PRPSAP2: variants seen among roughly 807,000 people sequenced by gnomAD.
The protein encoded by PRPSAP2 is phosphoribosyl pyrophosphate synthetase associated protein 2.
PRPSAP2 carries 24 observed loss-of-function variants against 40.6 expected under a neutral mutation model. That is an observed-to-expected ratio of 0.59 (90% CI 0.43 to 0.83). The LOEUF (loss-of-function observed/expected upper bound fraction) is 0.83. Among genes scored for constraint, PRPSAP2 ranks in the 40% least tolerant of loss-of-function variants. The pLI is 0.00. For missense variants in PRPSAP2, 292 were observed against 465.6 expected, an observed-to-expected ratio of 0.63 and a Z score of 3.43; for synonymous variants, 149 against 164.7, an observed-to-expected ratio of 0.90 and a Z score of 0.73.
At chr17:18,922,898 C>T (rs1473133849) in intron 9 of PRPSAP2, among the ~76,000 whole-genome samples, 1 of 151,234 alleles carries the variant, frequency 6.6e-6, no homozygotes, top group African/African-American at 2.4e-5. Context: ...TGGTCTCAAA[C>T]TCCTGAACTC....
intron 8 of PRPSAP2, among the ~76,000 whole-genome samples, chr17:18,894,497 T>TTTTTTA (rs2039789673): frequency 6.7e-6 from 1 of 149,764 alleles, no homozygotes; most frequent in South Asian, 2.1e-4. Context: ...TTTTTTTTTT[T>TTTTTTA]GAGACAGAGT....
intron 6 of PRPSAP2, among the ~76,000 whole-genome samples, chr17:18,880,124 C>T (rs2038621129): frequency 6.6e-6 from 1 of 151,992 alleles, no homozygotes; most frequent in Admixed American, 6.6e-5. Flanking sequence ...ATTAAAAACT[C>T]AACCCGAAGC....
chr17:18,901,654 G>A (rs1393984359), intron 8 of PRPSAP2, among the ~76,000 whole-genome samples: 1 of 152,202 alleles, frequency 6.6e-6, no homozygotes, highest in Admixed American at 6.5e-5. Context: ...AGGATTACAG[G>A]CATGAGCCAC....
rs1010786929 is a variant in PRPSAP2, at chr17:18,927,296, A to T, written c.805-1515A>T. ...GCACTGGGGAATAAGTTTCCAACAC[A>T]TGAATTTTGGAGGGACAAAAACATT... On this transcript the variant is annotated intron_variant, in intron 10 of 11. Transcript: ENST00000268835. 5.3e-5 allele frequency among the ~76,000 whole-genome samples: 8 copies of T among 152,212 alleles called. No homozygotes were observed. The South Asian group carries it at 1.5e-3, about 28-fold the overall frequency.
Position 18,908,281 on chromosome 17 carries a change from C to T in PRPSAP2, c.585-2822C>T, listed in dbSNP as rs537314036. 1.1e-4 allele frequency: 84 copies of T among 773,970 alleles called. No homozygotes were observed. The South Asian group carries it at 1.1e-3, about 10-fold the overall frequency. The allele number at this position is 773,970 out of a possible 1,614,324, so 47.9% of individuals were successfully genotyped here. ...CCGAGCTGCCGCTTTCGCAGCACGCCAAGGACACTCATGAGGACCATGATA... is the reference window on the plus strand; with the variant it reads ...CCGAGCTGCCGCTTTCGCAGCACGCTAAGGACACTCATGAGGACCATGATA... On this transcript the variant is annotated intron_variant, in intron 8 of 11. Transcript: ENST00000268835.
chr17:18,908,762 G>A, intron 8 of PRPSAP2: 2 of 722,444 alleles, frequency 2.8e-6, no homozygotes, highest in Non-Finnish European at 5.1e-6. Flanking sequence ...GGAGAGAAAA[G>A]AAAGGATCGG....
At chr17:18,907,910 G>T (rs929520798) in intron 8 of PRPSAP2, among the ~76,000 whole-genome samples, 55 of 152,194 alleles carry the variant, frequency 3.6e-4, no homozygotes, top group African/African-American at 1.3e-3. Flanking sequence ...GCCAAGGCCG[G>T]CAGATTACCT....
Position 18,862,853 on chromosome 17 carries a change from C to T in PRPSAP2, c.-128-2616C>T, listed in dbSNP as rs529477142. Among the ~76,000 whole-genome samples the T allele has an allele frequency of 5.3e-5, 8 of 151,808 alleles. No homozygotes were observed. In the South Asian group the frequency reaches 1.7e-3, roughly 32 times the overall value. On this transcript the variant is annotated intron_variant, in intron 1 of 11. Coordinates refer to ENST00000268835, the MANE Select transcript of PRPSAP2 (RefSeq NM_002767.4). ...TTTATTTTTCTGAGACAGAGTCTCG[C>T]TCTGTCTCCCAGGCTGGAGTGCAGT...
At chr17:18,929,740 C>T (rs1567761719) in intron 11 of PRPSAP2, 1 of 152,118 alleles carries the variant, frequency 6.6e-6, no homozygotes, top group Non-Finnish European at 1.5e-5. Context: ...CACATTTTGT[C>T]TCTCTCTTCG....
intron 8 of PRPSAP2, among the ~76,000 whole-genome samples, chr17:18,909,069 C>T (rs965721098): frequency 5.9e-5 from 9 of 152,046 alleles, no homozygotes; most frequent in African/African-American, 2.2e-4. Flanking sequence ...AAAGCTGATT[C>T]TTTGAGAAAA....
At chr17:18,883,403 C>CTTTTTTTTTTTTTT in intron 7 of PRPSAP2, among the ~76,000 whole-genome samples, 1 of 134,254 alleles carries the variant, frequency 7.4e-6, no homozygotes, top group Non-Finnish European at 1.6e-5. Context: ...GTTTTTCTTT[C>CTTTTTTTTTTTTTT]TTTTTTTTTT....
At chr17:18,889,408 T>C (rs2039395421) in intron 7 of PRPSAP2, among the ~76,000 whole-genome samples, 1 of 152,236 alleles carries the variant, frequency 6.6e-6, no homozygotes, top group South Asian at 2.1e-4. Flanking sequence ...TTCAACATGT[T>C]ATGACTGCGA....
In PRPSAP2 at chr17:18,928,877, T is replaced by C; in HGVS notation, c.871T>C (p.Tyr291His). The C allele has an allele frequency of 1.2e-6, 2 of 1,614,136 alleles. No homozygotes were observed. Among genetic ancestry groups the C allele is most frequent in the Non-Finnish European group, 1.7e-6 (2 of 1,179,988 alleles). ...AGAGACCCTGAAGGAAAGAGGTGCATATAAGATCTTTGTGATGGCAACTCA... is the reference window on the plus strand; with the variant it reads ...AGAGACCCTGAAGGAAAGAGGTGCACATAAGATCTTTGTGATGGCAACTCA... ...AAETLKERGA[Y>H]KIFVMATHGL... The change falls in exon 11 of 12, where the codon TAT becomes CAT. Residue 291 changes from tyrosine to histidine, a missense_variant. Around this residue, in one of 2 missense-constraint regions of PRPSAP2, gnomAD observed 241 missense variants for 425.7 expected, o/e 0.57. Transcript: ENST00000268835.
intron 8 of PRPSAP2, among the ~76,000 whole-genome samples, chr17:18,900,828 C>G (rs1361209363): frequency 6.6e-6 from 1 of 152,136 alleles, no homozygotes; most frequent in Non-Finnish European, 1.5e-5. Context: ...GGTGGAATTC[C>G]TGACTCCACC....
intron 9 of PRPSAP2, among the ~76,000 whole-genome samples, chr17:18,916,988 G>A (rs2041356007): frequency 6.6e-6 from 1 of 152,212 alleles, no homozygotes; most frequent in Admixed American, 6.5e-5. Flanking sequence ...TCAGACCACA[G>A]CACTCTCTTT....
chr17:18,924,540 A>T (rs1241850121), intron 10 of PRPSAP2, among the ~76,000 whole-genome samples: 1 of 152,066 alleles, frequency 6.6e-6, no homozygotes, highest in African/African-American at 2.4e-5. Context: ...ACGCCAAGGC[A>T]GGCCAATCGC....
At chr17:18,923,049 G>C (rs1054147304) in intron 9 of PRPSAP2, among the ~76,000 whole-genome samples, 4 of 150,816 alleles carry the variant, frequency 2.7e-5, no homozygotes, top group African/African-American at 9.7e-5. Context: ...CCATTCTGTA[G>C]GGGTTTTTTT....
At chr17:18,908,668 C>G (rs1209365962) in intron 8 of PRPSAP2, 19 of 722,124 alleles carry the variant, frequency 2.6e-5, no homozygotes, top group Non-Finnish European at 4.6e-5. Context: ...GTGCCCCAAG[C>G]CAGAGCTGCT....
At chr17:18,893,629 T>C (rs1232556243) in intron 8 of PRPSAP2, among the ~76,000 whole-genome samples, 1 of 151,574 alleles carries the variant, frequency 6.6e-6, no homozygotes, top group Non-Finnish European at 1.5e-5. Context: ...GTGGCATTTG[T>C]CTGTGGTTCT....
Sources: gnomAD v4.1 joint callset for allele counts (sites outside exome capture counted in the v4.1 genomes callset) on GRCh38, gnomAD v4.1.1 for gene constraint, gnomAD v4.1.1 regional missense constraint, MANE v1.5 for transcripts, NCBI Gene and HGNC (gene_info 2026-07-23, HGNC 2026-07-21) for gene names.